The following S100A9 variants were observed in gnomAD, a reference collection of about 807,000 sequenced individuals.
The protein encoded by S100A9 is S100 calcium binding protein A9.
In S100A9, 2 loss-of-function variants were observed where a neutral mutation model predicts 4.3. The observed-to-expected ratio is 0.47, with a 90% CI of 0.19 to 1.48. The LOEUF (loss-of-function observed/expected upper bound fraction) is 1.48. Among genes scored for constraint, S100A9 ranks in the 40% most tolerant of loss-of-function variants. The probability of loss-of-function intolerance (pLI) is 0.24; values close to 1 mark genes in which losing one functional copy is unlikely to be tolerated. For synonymous variants in S100A9, 67 were observed against 54.0 expected, an observed-to-expected ratio of 1.24 and a Z score of -1.06; for missense variants, 130 against 144.4, an observed-to-expected ratio of 0.90 and a Z score of 0.51.
Position 153,358,441 on chromosome 1 carries a change from T to C in S100A9, c.150+8T>C, listed in dbSNP as rs1215888542. On this transcript the variant is annotated splice_region_variant and intron_variant, in intron 2 of 2. Coordinates refer to ENST00000368738, the MANE Select transcript of S100A9 (RefSeq NM_002965.4). ...CTGCAAAATTTTCTCAAGGTAGGGCTGGACTCTGGCAGGTCTGACCCAGCC... is the reference window on the plus strand; with the variant it reads ...CTGCAAAATTTTCTCAAGGTAGGGCCGGACTCTGGCAGGTCTGACCCAGCC... The C allele has an allele frequency of 2.5e-6, 4 of 1,594,812 alleles. No individual in the cohort carries two copies. The highest frequency in any genetic ancestry group is 3.4e-6 in the Non-Finnish European group (4 of 1,168,332).
At position 153,360,877 on chromosome 1, in the gene S100A9, CCA is replaced by C. The variant is rs1557839344; in HGVS notation, c.*42_*43del. ...AAGATCACAGTGGCCACGGCCACGG[CCA>C]CAGTCATGGTGGCCACGGCCACAGC... On this transcript the variant is annotated 3_prime_UTR_variant, in exon 3 of 3. Transcript: ENST00000368738. The C allele has an allele frequency of 2.0e-6, 3 of 1,467,434 alleles. No individual in the cohort carries two copies. Among genetic ancestry groups the C allele is most frequent in the Non-Finnish European group, 1.8e-6 (2 of 1,088,378 alleles). 90.9% of individuals were successfully genotyped at this position (1,467,434 alleles called of 1,614,324 possible).
At chr1:153,359,446 C>A (rs1446518543) in intron 2 of S100A9, among the ~76,000 whole-genome samples, 1 of 152,060 alleles carries the variant, frequency 6.6e-6, no homozygotes, top group Non-Finnish European at 1.5e-5. Flanking sequence ...CCCCTATGCC[C>A]GCTTCACCCC....
intron 2 of S100A9, among the ~76,000 whole-genome samples, chr1:153,360,193 T>A (rs1038424913): frequency 6.6e-6 from 1 of 151,804 alleles, no homozygotes; most frequent in Non-Finnish European, 1.5e-5. Context: ...GGTAGCAGAG[T>A]GGAACTGGCC....
At chr1:153,358,139 G>T (rs1661379630) in intron 1 of S100A9, 130 bp from the exon 2 acceptor site, 1 of 566,776 alleles carries the variant, frequency 1.8e-6, no homozygotes, top group African/African-American at 1.9e-5. Flanking sequence ...TCCCAGTTAA[G>T]TTGCAGCCTG....
chr1:153,359,583 C>A (rs576216551), intron 2 of S100A9, among the ~76,000 whole-genome samples: 1 of 151,342 alleles, frequency 6.6e-6, no homozygotes, highest in Non-Finnish European at 1.5e-5. Context: ...GGGGACTTAG[C>A]GAGGTGACTC....
At chr1:153,358,890 G>A (rs77384674) in intron 2 of S100A9, among the ~76,000 whole-genome samples, 4,959 of 152,152 alleles carry the variant, frequency 0.033, 282 homozygotes, top group African/African-American at 0.11. Flanking sequence ...GCTGAGCCCC[G>A]AATGTTGGGG....
In S100A9 at chr1:153,360,980, C is replaced by T. The variant is rs2101594093; in HGVS notation, c.*142C>T. The T allele has an allele frequency of 1.6e-6, 1 of 643,532 alleles. No homozygotes were observed. The highest frequency in any genetic ancestry group is 2.8e-5 in the East Asian group (1 of 35,356). The allele number at this position is 643,532 out of a possible 1,614,324, so 39.9% of individuals were successfully genotyped here. On this transcript the variant is annotated 3_prime_UTR_variant, in exon 3 of 3. Transcript: ENST00000368738. ...GGCCTGTTATGTCAAACTGTCTTGGCTGTGGGGCTAGGGGCTGGGGCCAAA... is the reference window on the plus strand; with the variant it reads ...GGCCTGTTATGTCAAACTGTCTTGGTTGTGGGGCTAGGGGCTGGGGCCAAA...
At chr1:153,359,680 CTTTTTTTTTTT>C (rs34039196) in intron 2 of S100A9, among the ~76,000 whole-genome samples, 2 of 83,908 alleles carry the variant, frequency 2.4e-5, no homozygotes, top group Non-Finnish European at 2.3e-5. Context: ...GATGTCTCTC[CTTTTTTTTTTT>C]TTTTTTTTTT....
chr1:153,358,114 G>A (rs1408871814), intron 1 of S100A9, among the ~76,000 whole-genome samples, 155 bp from the exon 2 acceptor site: 1 of 152,190 alleles, frequency 6.6e-6, no homozygotes, highest in African/African-American at 2.4e-5. Flanking sequence ...TTGTACATGT[G>A]TGTGACAGGC....
Position 153,358,273 on chromosome 1 carries a change from A to G in S100A9, c.-11A>G. On this transcript the variant is annotated 5_prime_UTR_variant, in exon 2 of 3. Coordinates refer to ENST00000368738, the MANE Select transcript of S100A9 (RefSeq NM_002965.4). Reference sequence around the variant, plus strand: ...TCTTGGTTTTCCATTACACAGACAGAGTGCAAGACGATGACTTGCAAAATG... The same window carrying G: ...TCTTGGTTTTCCATTACACAGACAGGGTGCAAGACGATGACTTGCAAAATG... 1 of 1,556,084 alleles carries G rather than the reference A, an allele frequency of 6.4e-7. No homozygotes were observed. Among genetic ancestry groups the G allele is most frequent in the Non-Finnish European group, 8.8e-7 (1 of 1,142,834 alleles).
At position 153,360,936 on chromosome 1, in the gene S100A9, T is replaced by G; in HGVS notation, c.*98T>G. ...TCAGGAGGCCAGGCCACCCTGCCTC[T>G]ACCCAACCAGGGCCCCGGGGCCTGT... On this transcript the variant is annotated 3_prime_UTR_variant, in exon 3 of 3. Coordinates refer to ENST00000368738, the MANE Select transcript of S100A9 (RefSeq NM_002965.4). The G allele has an allele frequency of 1.1e-6, 1 of 944,306 alleles. No individual in the cohort carries two copies. The highest frequency in any genetic ancestry group is 1.6e-6 in the Non-Finnish European group (1 of 642,294). The allele number at this position is 944,306 out of a possible 1,614,324, so 58.5% of individuals were successfully genotyped here.
At chr1:153,359,530 A>G (rs746119716) in intron 2 of S100A9, among the ~76,000 whole-genome samples, 1 of 151,990 alleles carries the variant, frequency 6.6e-6, no homozygotes, top group Non-Finnish European at 1.5e-5. Context: ...TGGGCTGCAC[A>G]GGAGAGTGCT....
rs151130058 is a variant in S100A9, at chr1:153,360,874, C to T, written c.*36C>T. ...GCCAAGATCACAGTGGCCACGGCCACGGCCACAGTCATGGTGGCCACGGCC... is the reference window on the plus strand; with the variant it reads ...GCCAAGATCACAGTGGCCACGGCCATGGCCACAGTCATGGTGGCCACGGCC... On this transcript the variant is annotated 3_prime_UTR_variant, in exon 3 of 3. Coordinates refer to ENST00000368738, the MANE Select transcript of S100A9 (RefSeq NM_002965.4). 23,326 of 1,474,438 alleles carry T rather than the reference C, an allele frequency of 0.016. 223 individuals carry two copies. The highest frequency in any genetic ancestry group is 0.019 in the Non-Finnish European group (20,555 of 1,094,016). The allele number at this position is 1,474,438 out of a possible 1,614,324, so 91.3% of individuals were successfully genotyped here.
At chr1:153,358,080 C>T (rs935172576) in intron 1 of S100A9, among the ~76,000 whole-genome samples, 189 bp from the exon 2 acceptor site, 1 of 152,244 alleles carries the variant, frequency 6.6e-6, no homozygotes, top group African/African-American at 2.4e-5. Context: ...TTTTGGCACT[C>T]TGTAGATATT....
intron 1 of S100A9, 67 bp downstream of exon 1, chr1:153,357,948 C>G (rs1661376858): frequency 1.2e-5 from 2 of 172,274 alleles, no homozygotes; most frequent in African/African-American, 4.7e-5. Flanking sequence ...TTCCCTGACC[C>G]AACTTCCTTC....
intron 2 of S100A9, 29 bp downstream of exon 2, chr1:153,358,462 C>T (rs753336732): frequency 6.5e-7 from 1 of 1,544,496 alleles, no homozygotes. Flanking sequence ...AGGTCTGACC[C>T]AGCCTCACCG....
At position 153,360,904 on chromosome 1, in the gene S100A9, C is replaced by A; in HGVS notation, c.*66C>A. 1 of 1,303,536 alleles carries A rather than the reference C, an allele frequency of 7.7e-7. No individual in the cohort carries two copies. The highest frequency in any genetic ancestry group is 1.0e-6 in the Non-Finnish European group (1 of 962,328). 80.7% of individuals were successfully genotyped at this position (1,303,536 alleles called of 1,614,324 possible). A position where few individuals can be genotyped will look rare whatever the true frequency, so the allele number is the denominator to read the frequency against. ...ACAGTCATGGTGGCCACGGCCACAG[C>A]CACTAATCAGGAGGCCAGGCCACCC... On this transcript the variant is annotated 3_prime_UTR_variant, in exon 3 of 3. Transcript: ENST00000368738.
Position 153,360,889 on chromosome 1 carries a change from T to G in S100A9, c.*51T>G, listed in dbSNP as rs743566. 5.3e-4 allele frequency: 740 copies of G among 1,397,788 alleles called. 3 individuals carry two copies. The African/African-American group carries it at 1.0e-2, about 19-fold the overall frequency. The allele number at this position is 1,397,788 out of a possible 1,614,324, so 86.6% of individuals were successfully genotyped here. On this transcript the variant is annotated 3_prime_UTR_variant, in exon 3 of 3. Coordinates refer to ENST00000368738, the MANE Select transcript of S100A9 (RefSeq NM_002965.4). ...GCCACGGCCACGGCCACAGTCATGG[T>G]GGCCACGGCCACAGCCACTAATCAG...
intron 2 of S100A9, among the ~76,000 whole-genome samples, chr1:153,358,907 G>A (rs1661396568): frequency 6.6e-6 from 1 of 152,108 alleles, no homozygotes; most frequent in African/African-American, 2.4e-5. Flanking sequence ...GGGGAGGGAA[G>A]CCCCTGAGGA....
Sources: allele counts gnomAD v4.1 joint callset (sites outside exome capture counted in the v4.1 genomes callset), GRCh38; gene constraint gnomAD v4.1.1; transcripts MANE v1.5; gene names NCBI Gene and HGNC (gene_info 2026-07-23, HGNC 2026-07-21).